The following FHOD3 variants were observed in gnomAD, a reference collection of about 807,000 sequenced individuals.
FHOD3 encodes formin homology 2 domain containing 3.
A neutral mutation model predicts 173.0 loss-of-function variants in FHOD3; 90 were observed. That is an observed-to-expected ratio of 0.52 (90% confidence interval 0.44 to 0.62). The LOEUF (loss-of-function observed/expected upper bound fraction) is 0.62. Among genes scored for constraint, FHOD3 ranks in the 20% least tolerant of loss-of-function variants. The pLI, the probability that FHOD3 is intolerant of heterozygous loss-of-function variation, is 0.00. For synonymous variants in FHOD3, 828 were observed against 823.0 expected (o/e 1.01, Z -0.10); for missense variants, 1,945 against 2,034.7 (o/e 0.96, Z 0.85).
At chr18:36,559,439 C>T (rs2058013322) in intron 5 of FHOD3, among the ~76,000 whole-genome samples, 1 of 152,186 alleles carries the variant, frequency 6.6e-6, no homozygotes, top group African/African-American at 2.4e-5. Context: ...TTGCCCTTTC[C>T]TCCTTTCTGA....
chr18:36,661,777 TAAGTC>T (rs1406228845), intron 14 of FHOD3, among the ~76,000 whole-genome samples: 1 of 152,168 alleles, frequency 6.6e-6, no homozygotes, highest in Non-Finnish European at 1.5e-5. Flanking sequence ...TATGGAAAAT[TAAGTC>T]AAGGATATTA....
At chr18:36,662,648 T>C (rs531054766) in intron 14 of FHOD3, among the ~76,000 whole-genome samples, 2 of 152,276 alleles carry the variant, frequency 1.3e-5, no homozygotes, top group African/African-American at 4.8e-5. Context: ...AACAACATCT[T>C]GTTAGGGAGT....
chr18:36,693,131 G>T, intron 16 of FHOD3, 78 bp from the exon 17 acceptor site: 1 of 1,391,596 alleles, frequency 7.2e-7, no homozygotes. Flanking sequence ...TCATTCTGCA[G>T]GTGTTTCATC....
intron 5 of FHOD3, among the ~76,000 whole-genome samples, chr18:36,561,927 C>G (rs1314923569): frequency 6.6e-6 from 1 of 151,564 alleles, no homozygotes. Context: ...TTAGGTTTCG[C>G]TAAATGGTAG....
At chr18:36,591,800 T>TA (rs1296444444) in intron 6 of FHOD3, among the ~76,000 whole-genome samples, 3 of 152,090 alleles carry the variant, frequency 2.0e-5, no homozygotes, top group Non-Finnish European at 4.4e-5. Context: ...GGCATGTACC[T>TA]ATAGTCCAGT....
intron 3 of FHOD3, among the ~76,000 whole-genome samples, chr18:36,485,491 C>T (rs766748672): frequency 6.6e-6 from 1 of 152,158 alleles, no homozygotes; most frequent in Non-Finnish European, 1.5e-5. Flanking sequence ...AGTCCCTGCT[C>T]CCCACCATTC....
intron 3 of FHOD3, among the ~76,000 whole-genome samples, chr18:36,479,849 C>A (rs555763642): frequency 1.3e-5 from 2 of 152,128 alleles, no homozygotes; most frequent in Non-Finnish European, 2.9e-5. Context: ...TGATGCCCTG[C>A]CACGCATTTT....
At chr18:36,778,945 T>C (rs1283741714) in intron 28 of FHOD3, 1 of 154,618 alleles carries the variant, frequency 6.5e-6, no homozygotes, top group Admixed American at 6.4e-5. Flanking sequence ...GTTGGTCGTC[T>C]GTTGGATTTG....
At chr18:36,740,220 A>G (rs1010181651) in intron 20 of FHOD3, among the ~76,000 whole-genome samples, 7 of 152,222 alleles carry the variant, frequency 4.6e-5, no homozygotes, top group Non-Finnish European at 1.0e-4. Context: ...TTAAGGTACT[A>G]TCATTTCTAT....
At chr18:36,436,579 C>T (rs562668804) in intron 3 of FHOD3, among the ~76,000 whole-genome samples, 20 of 152,244 alleles carry the variant, frequency 1.3e-4, no homozygotes, top group South Asian at 4.1e-4. Context: ...CGATTTGTGA[C>T]GTAATGATCT....
At chr18:36,524,932 C>A (rs2056445396) in intron 5 of FHOD3, among the ~76,000 whole-genome samples, 1 of 152,092 alleles carries the variant, frequency 6.6e-6, no homozygotes, top group Admixed American at 6.5e-5. Flanking sequence ...GCAAACGAAA[C>A]AATTAGAAAT....
chr18:36,722,369 C>T (rs1333041674), intron 19 of FHOD3, among the ~76,000 whole-genome samples: 1 of 152,178 alleles, frequency 6.6e-6, no homozygotes, highest in Non-Finnish European at 1.5e-5. Flanking sequence ...CAAAGGGCAG[C>T]TTCTATGCCC....
chr18:36,467,518 C>G (rs1361500101), intron 3 of FHOD3, among the ~76,000 whole-genome samples: 2 of 152,098 alleles, frequency 1.3e-5, no homozygotes, highest in Non-Finnish European at 2.9e-5. Flanking sequence ...CTAGCCTGCG[C>G]CAGCGTCACT....
chr18:36,659,827 G>A (rs118028382), intron 14 of FHOD3, among the ~76,000 whole-genome samples: 1,655 of 152,274 alleles, frequency 0.011, 49 homozygotes, highest in Admixed American at 0.063. Flanking sequence ...ACCTCTGCCC[G>A]CTTTTCTGCC....
chr18:36,723,893 A>AT (rs1445311342), intron 19 of FHOD3, among the ~76,000 whole-genome samples: 11 of 152,144 alleles, frequency 7.2e-5, no homozygotes, highest in Non-Finnish European at 1.5e-5. Context: ...AACTATTTAA[A>AT]TTTTTCTTTC....
At chr18:36,661,786 G>A (rs77832186) in intron 14 of FHOD3, among the ~76,000 whole-genome samples, 2,535 of 152,270 alleles carry the variant, frequency 0.017, 25 homozygotes, top group Middle Eastern at 0.041. Context: ...TTAAGTCAAG[G>A]ATATTAAAAT....
rs373836211 is a variant in FHOD3, at chr18:36,664,777, TGAGA to T, written c.1835+6624_1835+6627del. ...GAGCAAAAAGGGGTGTGTGTGTATGTGAGAGAGAGAGAGAGAGAGAGAGAGAGAG... is the reference window on the plus strand; with the variant it reads ...GAGCAAAAAGGGGTGTGTGTGTATGTGAGAGAGAGAGAGAGAGAGAGAGAG... On this transcript the variant is annotated intron_variant, in intron 14 of 28. Coordinates refer to ENST00000590592, the MANE Select transcript of FHOD3 (RefSeq NM_001281740.3). Among the ~76,000 whole-genome samples the T allele has an allele frequency of 3.5e-3, 448 of 129,600 alleles. 4 individuals carry two copies. The highest frequency in any genetic ancestry group is 6.8e-3 in the South Asian group (25 of 3,662). The allele number at this position is 129,600 out of a possible 152,430, so 85.0% of individuals were successfully genotyped here. A position where few individuals can be genotyped will look rare whatever the true frequency, so the allele number is the denominator to read the frequency against.
chr18:36,720,296 G>T (rs1023325814), intron 19 of FHOD3, among the ~76,000 whole-genome samples: 11 of 148,032 alleles, frequency 7.4e-5, no homozygotes, highest in African/African-American at 2.8e-4. Context: ...GGAGTGCAGT[G>T]GTGTGATCTT....
intron 3 of FHOD3, among the ~76,000 whole-genome samples, chr18:36,378,558 G>A (rs1197958943): frequency 7.0e-6 from 1 of 142,642 alleles, no homozygotes; most frequent in Non-Finnish European, 1.5e-5. Flanking sequence ...GAATTGACAG[G>A]TGTGTCCAAC....
Sources: gnomAD v4.1 joint callset for allele counts (sites outside exome capture counted in the v4.1 genomes callset) on GRCh38, gnomAD v4.1.1 for gene constraint, MANE v1.5 for transcripts, NCBI Gene and HGNC (gene_info 2026-07-23, HGNC 2026-07-21) for gene names.